Variants in SCAPER observed in about 807,000 individuals in gnomAD.
SCAPER encodes S phase cyclin A-associated protein in the endoplasmic reticulum.
A neutral mutation model predicts 182.2 loss-of-function variants in SCAPER; 98 were observed. The ratio of observed to expected loss-of-function variants is 0.54; its 90% CI spans 0.46 to 0.64. The LOEUF (loss-of-function observed/expected upper bound fraction) is 0.64. SCAPER is among the 30% of genes least tolerant of loss of function. The probability of loss-of-function intolerance (pLI) is 0.00; values close to 1 mark genes in which losing one functional copy is unlikely to be tolerated. For synonymous variants in SCAPER, 605 were observed against 564.6 expected (o/e 1.07, Z -1.01); for missense variants, 1,432 against 1,690.0 (o/e 0.85, Z 2.68).
At chr15:76,878,976 G>A (rs1346082698) in intron 2 of SCAPER, among the ~76,000 whole-genome samples, 8 of 152,082 alleles carry the variant, frequency 5.3e-5, no homozygotes, top group Admixed American at 5.2e-4. Flanking sequence ...TGATTATACT[G>A]TGTACTGGTG....
chr15:76,436,862 T>C (rs149016608), intron 25 of SCAPER, among the ~76,000 whole-genome samples: 1 of 152,302 alleles, frequency 6.6e-6, no homozygotes, highest in African/African-American at 2.4e-5. Context: ...TGCTGGGAGA[T>C]CCCAGCTTTT....
At chr15:76,398,757 TGAATTCACAA>T (rs1249595921) in intron 27 of SCAPER, among the ~76,000 whole-genome samples, 1 of 152,232 alleles carries the variant, frequency 6.6e-6, no homozygotes, top group Non-Finnish European at 1.5e-5. Context: ...CAAATATTCT[TGAATTCACAA>T]GTCTTTTCCA....
At chr15:76,358,267 G>A (rs1334701780) in intron 29 of SCAPER, among the ~76,000 whole-genome samples, 5 of 152,194 alleles carry the variant, frequency 3.3e-5, no homozygotes, top group Admixed American at 2.6e-4. Context: ...TCATTCTCTG[G>A]AGACAAGACC....
At chr15:76,540,653 T>C (rs1283446528) in intron 23 of SCAPER, among the ~76,000 whole-genome samples, 1 of 151,536 alleles carries the variant, frequency 6.6e-6, no homozygotes, top group Admixed American at 6.6e-5. Context: ...AATGAAAGGG[T>C]TTTTAACTTA....
Position 76,572,889 on chromosome 15 carries a change from ACT to A in SCAPER, c.2838+1267_2838+1268del, listed in dbSNP as rs111882465. Among the ~76,000 whole-genome samples, 1,211 of 142,878 alleles carry A rather than the reference ACT, an allele frequency of 8.5e-3. 9 individuals carry two copies. Among genetic ancestry groups the A allele is most frequent in the African/African-American group, 0.021 (805 of 38,144 alleles). 93.7% of individuals were successfully genotyped at this position (142,878 alleles called of 152,430 possible). ...GCACTGTTTGCCCATGCTTGCGTGC[ACT>A]CTCTCTCTCTCTCTCTCTCTCTCTC... is the stretch of plus-strand genomic sequence containing the variant. On this transcript the variant is annotated intron_variant, in intron 23 of 31. Transcript: ENST00000563290.
intron 23 of SCAPER, among the ~76,000 whole-genome samples, chr15:76,555,929 C>G (rs2046160898): frequency 6.6e-6 from 1 of 152,150 alleles, no homozygotes; most frequent in South Asian, 2.1e-4. Flanking sequence ...ACAGAATATA[C>G]ATTCTTCTCA....
intron 23 of SCAPER, among the ~76,000 whole-genome samples, chr15:76,518,250 T>C (rs2042585455): frequency 6.6e-6 from 1 of 152,232 alleles, no homozygotes; most frequent in Non-Finnish European, 1.5e-5. Context: ...TCAAAACACC[T>C]TCCTTCCTGG....
At chr15:76,364,505 G>A (rs540307738) in intron 29 of SCAPER, among the ~76,000 whole-genome samples, 2 of 152,168 alleles carry the variant, frequency 1.3e-5, no homozygotes, top group East Asian at 1.9e-4. Flanking sequence ...GTAGTGAGGG[G>A]TGAATGGCTG....
At chr15:76,782,817 T>A (rs552650128) in intron 8 of SCAPER, among the ~76,000 whole-genome samples, 4 of 152,216 alleles carry the variant, frequency 2.6e-5, no homozygotes, top group African/African-American at 9.6e-5. Flanking sequence ...GAAATAAAGA[T>A]GTTCTTTGAA....
intron 25 of SCAPER, among the ~76,000 whole-genome samples, chr15:76,455,649 TTTTTTAA>T (rs1182167797): frequency 1.3e-5 from 2 of 152,210 alleles, no homozygotes; most frequent in Non-Finnish European, 2.9e-5. Flanking sequence ...ATTTTTTAAC[TTTTTTAA>T]TTTTTATTTT....
chr15:76,720,219 G>C (rs1399508894), intron 17 of SCAPER, among the ~76,000 whole-genome samples: 2 of 151,898 alleles, frequency 1.3e-5, no homozygotes, highest in African/African-American at 4.8e-5. Flanking sequence ...TGAGAATGAT[G>C]GTTTACAGCT....
At chr15:76,671,868 G>T (rs549946757) in intron 20 of SCAPER, among the ~76,000 whole-genome samples, 1 of 152,126 alleles carries the variant, frequency 6.6e-6, no homozygotes, top group Middle Eastern at 3.4e-3. Flanking sequence ...GATGAATAAT[G>T]AGTATCAGAA....
At chr15:76,629,177 C>G (rs1489044588) in intron 21 of SCAPER, among the ~76,000 whole-genome samples, 2 of 152,204 alleles carry the variant, frequency 1.3e-5, no homozygotes, top group Non-Finnish European at 2.9e-5. Context: ...ATGGGGTTTT[C>G]TAGATATAGG....
intron 20 of SCAPER, among the ~76,000 whole-genome samples, chr15:76,671,013 G>A (rs1170034063): frequency 6.6e-6 from 1 of 152,092 alleles, no homozygotes; most frequent in African/African-American, 2.4e-5. Flanking sequence ...AGTAAATTAT[G>A]GTATATTTCT....
At chr15:76,407,162 T>A (rs1364517637) in intron 26 of SCAPER, among the ~76,000 whole-genome samples, 1 of 152,180 alleles carries the variant, frequency 6.6e-6, no homozygotes. Flanking sequence ...TGTGCAAACA[T>A]CATAGAGTGT....
intron 26 of SCAPER, among the ~76,000 whole-genome samples, chr15:76,424,826 C>T (rs140206501): frequency 0.011 from 1,650 of 152,256 alleles, 39 homozygotes; most frequent in African/African-American, 0.037. Context: ...GTGACAAAAT[C>T]GCTCAGCATT....
chr15:76,405,979 A>C (rs1255375725), intron 26 of SCAPER, among the ~76,000 whole-genome samples: 1 of 152,144 alleles, frequency 6.6e-6, no homozygotes, highest in East Asian at 1.9e-4. Flanking sequence ...TTTACATTAG[A>C]CTATGTATCT....
chr15:76,605,892 C>A (rs1467171748), intron 22 of SCAPER, among the ~76,000 whole-genome samples: 1 of 151,872 alleles, frequency 6.6e-6, no homozygotes, highest in African/African-American at 2.4e-5. Context: ...TTTTTTATTG[C>A]GTCTATTTGA....
At chr15:76,417,346 T>A (rs1027159859) in intron 26 of SCAPER, among the ~76,000 whole-genome samples, 3 of 152,246 alleles carry the variant, frequency 2.0e-5, no homozygotes, top group African/African-American at 7.2e-5. Flanking sequence ...GAGAGACAGA[T>A]ACATCATCTG....
Sources: allele counts gnomAD v4.1 joint callset (sites outside exome capture counted in the v4.1 genomes callset), GRCh38; gene constraint gnomAD v4.1.1; transcripts MANE v1.5; gene names NCBI Gene and HGNC (gene_info 2026-07-23, HGNC 2026-07-21).